Variants in SLC2A13 observed in about 807,000 individuals in gnomAD.
SLC2A13 encodes solute carrier family 2 member 13, also known as proton myo-inositol cotransporter.
SLC2A13 carries 32 observed loss-of-function variants against 64.4 expected under a neutral mutation model. The observed-to-expected ratio is 0.50, with a 90% CI of 0.37 to 0.67. The LOEUF is 0.67. Among genes scored for constraint, SLC2A13 ranks in the 30% least tolerant of loss-of-function variants. The probability of loss-of-function intolerance (pLI) is 0.00; values close to 1 mark genes in which losing one functional copy is unlikely to be tolerated. For synonymous variants in SLC2A13, 338 were observed against 327.1 expected (o/e 1.03, Z -0.36); for missense variants, 743 against 829.2 (o/e 0.90, Z 1.28).
intron 4 of SLC2A13, among the ~76,000 whole-genome samples, chr12:39,904,442 A>G (rs1440888929): frequency 1.3e-5 from 2 of 152,110 alleles, no homozygotes; most frequent in East Asian, 1.9e-4. Context: ...AGGTCTTTCT[A>G]AGGACAGTAG....
chr12:39,987,424 T>C (rs1032262292), intron 3 of SLC2A13, among the ~76,000 whole-genome samples: 1 of 152,224 alleles, frequency 6.6e-6, no homozygotes, highest in Non-Finnish European at 1.5e-5. Context: ...TTCAGCTGGA[T>C]GTCTAAAAGA....
chr12:39,761,674 A>T (rs1019040444), intron 9 of SLC2A13, among the ~76,000 whole-genome samples: 22 of 152,008 alleles, frequency 1.4e-4, no homozygotes, highest in African/African-American at 5.3e-4. Flanking sequence ...TTCTGAGTAC[A>T]GATATGCAAG....
intron 3 of SLC2A13, among the ~76,000 whole-genome samples, chr12:40,010,347 A>C (rs1947506744): frequency 6.6e-6 from 1 of 152,214 alleles, no homozygotes; most frequent in African/African-American, 2.4e-5. Flanking sequence ...AATATTGATT[A>C]TTAGGGAAAG....
intron 1 of SLC2A13, among the ~76,000 whole-genome samples, chr12:40,050,560 C>T (rs2136239579): frequency 6.6e-6 from 1 of 152,312 alleles, no homozygotes. Flanking sequence ...ACTGCAACAA[C>T]TACCTACATT....
rs1368362809 is a variant in SLC2A13, at chr12:39,824,355, C to G, written c.1445+5748G>C. On this transcript the variant is annotated intron_variant, in intron 7 of 9. Transcript: ENST00000280871. ...GCAGTTTATTCTAGCAGCGCTCTTA[C>G]AAGTTGGATAATGGGAGCAGGTGGG... Among the ~76,000 whole-genome samples the G allele has an allele frequency of 2.6e-5, 4 of 152,256 alleles. No individual in the cohort carries two copies. In the East Asian group the frequency reaches 5.8e-4, roughly 22 times the overall value.
intron 3 of SLC2A13, among the ~76,000 whole-genome samples, chr12:40,014,281 C>CT (rs929762390): frequency 1.4e-4 from 22 of 152,150 alleles, no homozygotes; most frequent in African/African-American, 5.3e-4. Context: ...GTACAAAACT[C>CT]TAACATTTGT....
intron 2 of SLC2A13, among the ~76,000 whole-genome samples, chr12:40,034,672 C>A (rs1947951196): frequency 6.6e-6 from 1 of 152,124 alleles, no homozygotes; most frequent in Admixed American, 6.5e-5. Context: ...ATGATGTATT[C>A]TTTAAAATTC....
At chr12:40,094,913 G>C (rs1938887919) in intron 1 of SLC2A13, among the ~76,000 whole-genome samples, 1 of 152,204 alleles carries the variant, frequency 6.6e-6, no homozygotes, top group Non-Finnish European at 1.5e-5. Flanking sequence ...TTCATCTATA[G>C]AAACAGGAAG....
chr12:39,857,508 C>T (rs11173979), intron 6 of SLC2A13, among the ~76,000 whole-genome samples: 8,718 of 152,264 alleles, frequency 0.057, 311 homozygotes, highest in East Asian at 0.15. Flanking sequence ...CTGTCACCAT[C>T]AAGGTTGCGT....
chr12:39,798,672 C>T (rs1408150258), intron 7 of SLC2A13, among the ~76,000 whole-genome samples: 1 of 152,190 alleles, frequency 6.6e-6, no homozygotes, highest in African/African-American at 2.4e-5. Context: ...CGGGCTAGTG[C>T]TGAAAGACTC....
intron 4 of SLC2A13, among the ~76,000 whole-genome samples, chr12:39,923,103 G>A (rs1265207230): frequency 6.6e-6 from 1 of 151,862 alleles, no homozygotes; most frequent in African/African-American, 2.4e-5. Flanking sequence ...AAAAGGTGAA[G>A]TCTATTTTAG....
At chr12:39,870,656 A>T (rs903972533) in intron 5 of SLC2A13, among the ~76,000 whole-genome samples, 9 of 152,164 alleles carry the variant, frequency 5.9e-5, no homozygotes, top group African/African-American at 2.2e-4. Flanking sequence ...GTCTTAGTTC[A>T]GTATATATCC....
chr12:39,872,668 G>A (rs909184004), intron 4 of SLC2A13, among the ~76,000 whole-genome samples: 1 of 152,194 alleles, frequency 6.6e-6, no homozygotes, highest in Non-Finnish European at 1.5e-5. Flanking sequence ...TGGAAGATAT[G>A]TCTGGCACAT....
chr12:39,930,934 AT>A (rs2136071626), intron 4 of SLC2A13, among the ~76,000 whole-genome samples: 1 of 152,294 alleles, frequency 6.6e-6, no homozygotes, highest in African/African-American at 2.4e-5. Flanking sequence ...GCTTACCAAC[AT>A]TTTTTATCTG....
At chr12:40,088,113 A>G (rs1171641004) in intron 1 of SLC2A13, among the ~76,000 whole-genome samples, 1 of 152,344 alleles carries the variant, frequency 6.6e-6, no homozygotes, top group East Asian at 1.9e-4. Context: ...TAACCTGAAA[A>G]TAAGTTTAAT....
chr12:40,021,907 A>G (rs556221353), intron 3 of SLC2A13, among the ~76,000 whole-genome samples: 1 of 152,192 alleles, frequency 6.6e-6, no homozygotes, highest in Non-Finnish European at 1.5e-5. Context: ...AATACGATAA[A>G]TATTTACCCC....
At chr12:39,967,046 G>A (rs1946531331) in intron 3 of SLC2A13, among the ~76,000 whole-genome samples, 2 of 152,108 alleles carry the variant, frequency 1.3e-5, no homozygotes, top group African/African-American at 4.8e-5. Context: ...GGCAATCTGT[G>A]AAGGGAGTCA....
Position 40,105,231 on chromosome 12 carries a change from C to A in SLC2A13, c.556+22G>T. On this transcript the variant is annotated intron_variant, in intron 1 of 9. Transcript: ENST00000280871. The surrounding 1 kb of genome is among the most constrained non-coding windows in gnomAD (Gnocchi z 4.2). ...GCGGTGACAATGGGATCCCGGGCGC[C>A]CTTCACGGAGCCCGAACTCACCGAT... 1.3e-6 allele frequency: 2 copies of A among 1,547,566 alleles called. No individual in the cohort carries two copies. Among genetic ancestry groups the A allele is most frequent in the South Asian group, 2.4e-5 (2 of 82,856 alleles).
intron 1 of SLC2A13, among the ~76,000 whole-genome samples, chr12:40,090,801 ACT>A (rs1938741999): frequency 6.6e-6 from 1 of 152,170 alleles, no homozygotes; most frequent in Non-Finnish European, 1.5e-5. Flanking sequence ...AGCCTCAAGA[ACT>A]ATTCATTCAT....
Sources: gnomAD v4.1 joint callset for allele counts (sites outside exome capture counted in the v4.1 genomes callset) on GRCh38, gnomAD v4.1.1 for gene constraint, Gnocchi (gnomAD v3.1) non-coding constraint, MANE v1.5 for transcripts, NCBI Gene and HGNC (gene_info 2026-07-23, HGNC 2026-07-21) for gene names.